Variants in ME3 observed in about 807,000 individuals in gnomAD.
ME3 encodes malic enzyme 3.
In ME3, 48 loss-of-function variants were observed where a neutral mutation model predicts 68.9. That is an observed-to-expected ratio of 0.70 (90% CI 0.55 to 0.89). The LOEUF is 0.89. ME3 is among the 40% of genes least tolerant of loss of function. The probability of loss-of-function intolerance (pLI) is 0.00; values close to 1 mark genes in which losing one functional copy is unlikely to be tolerated. For missense variants in ME3, 675 were observed against 797.4 expected, an observed-to-expected ratio of 0.85 and a Z score of 1.85; for synonymous variants, 320 against 318.8, an observed-to-expected ratio of 1.00 and a Z score of -0.04.
chr11:86,597,137 G>A (rs1005850764), intron 2 of ME3, among the ~76,000 whole-genome samples: 4 of 152,224 alleles, frequency 2.6e-5, no homozygotes, highest in East Asian at 3.8e-4. Context: ...CCAGACTTGC[G>A]AATGACATTT....
chr11:86,560,042 A>G lies in ME3; in HGVS notation c.184-219T>C, dbSNP rs117763085. Among the ~76,000 whole-genome samples, 208 of 152,314 alleles carry G rather than the reference A, an allele frequency of 1.4e-3. 1 individual carries two copies. The highest frequency in any genetic ancestry group is 1.9e-3 in the Non-Finnish European group (129 of 68,028). On this transcript the variant is annotated intron_variant, in intron 2 of 14. Transcript: ENST00000543262. ...CTTCCTCATTGGAAAAAATGGGGAA[A>G]CTATCTGTATCATCAGCATTTTTCT... is the stretch of plus-strand genomic sequence containing the variant.
At chr11:86,667,011 G>A (rs622933) in intron 2 of ME3, among the ~76,000 whole-genome samples, 40,367 of 152,010 alleles carry the variant, frequency 0.27, 5,453 homozygotes, top group East Asian at 0.36. Context: ...AATACAGAAG[G>A]GATTCAGCTG....
chr11:86,651,877 C>A (rs1222494726), intron 2 of ME3, among the ~76,000 whole-genome samples: 5 of 152,020 alleles, frequency 3.3e-5, no homozygotes, highest in Non-Finnish European at 7.4e-5. Context: ...TAACTGAATA[C>A]CTAATGCAGA....
intron 4 of ME3, among the ~76,000 whole-genome samples, chr11:86,509,141 C>T (rs954971031): frequency 2.0e-5 from 3 of 152,184 alleles, no homozygotes; most frequent in Non-Finnish European, 4.4e-5. Flanking sequence ...TTCCTCTAGA[C>T]CAGTACCCAA....
At chr11:86,567,457 G>A (rs1957550869) in intron 2 of ME3, among the ~76,000 whole-genome samples, 1 of 152,160 alleles carries the variant, frequency 6.6e-6, no homozygotes, top group South Asian at 2.1e-4. Context: ...AAAGCCTTTA[G>A]GCAGGCGACT....
At chr11:86,534,653 C>T (rs982048366) in intron 4 of ME3, among the ~76,000 whole-genome samples, 4 of 152,038 alleles carry the variant, frequency 2.6e-5, no homozygotes, top group Non-Finnish European at 5.9e-5. Context: ...CCAGCCTGGG[C>T]AACAGAGCAA....
Position 86,485,448 on chromosome 11 carries a change from C to A in ME3, c.809+1889G>T, listed in dbSNP as rs146051468. On this transcript the variant is annotated intron_variant, in intron 7 of 14. Transcript: ENST00000543262. The stretch of plus-strand genomic sequence containing the variant: ...ACCTCCCTTGTCCTAGATGCTATGC[C>A]TCTATTAATGCAGCTGACCCTTGAA... Among the ~76,000 whole-genome samples the A allele has an allele frequency of 3.0e-3, 456 of 152,290 alleles. 1 individual carries two copies. The highest frequency in any genetic ancestry group is 0.011 in the African/African-American group (443 of 41,546).
chr11:86,612,625 T>TC (rs1281960048), intron 2 of ME3, among the ~76,000 whole-genome samples: 2 of 152,220 alleles, frequency 1.3e-5, no homozygotes, highest in Non-Finnish European at 2.9e-5. Context: ...CGAGATGGTA[T>TC]CTCATTGTGG....
chr11:86,556,759 T>A, intron 3 of ME3, 57 bp from the exon 4 acceptor site: 4 of 1,570,650 alleles, frequency 2.5e-6, no homozygotes, highest in Non-Finnish European at 3.5e-6. Context: ...CCCTGATGCC[T>A]CTGTGGTGTG....
exon 12 of ME3, chr11:86,447,187 C>A: frequency 4.3e-6 from 7 of 1,614,118 alleles, no homozygotes; most frequent in Non-Finnish European, 5.9e-6. Flanking sequence ...TCCGTGAAGG[C>A]TCCTGCGATG....
At chr11:86,588,394 T>TG (rs1029037657) in intron 2 of ME3, among the ~76,000 whole-genome samples, 1 of 152,250 alleles carries the variant, frequency 6.6e-6, no homozygotes, top group African/African-American at 2.4e-5. Flanking sequence ...ACTAATTTTC[T>TG]GGGGCTCTCA....
chr11:86,483,437 G>A (rs1034418996), intron 7 of ME3, among the ~76,000 whole-genome samples: 7 of 152,114 alleles, frequency 4.6e-5, no homozygotes, highest in Non-Finnish European at 1.0e-4. Context: ...CTGAAAACTA[G>A]AAGTTTCTAC....
intron 2 of ME3, among the ~76,000 whole-genome samples, chr11:86,639,724 A>G (rs1944550454): frequency 6.6e-6 from 1 of 152,244 alleles, no homozygotes; most frequent in South Asian, 2.1e-4. Flanking sequence ...TAAATGGAGT[A>G]AAAATGAAGC....
chr11:86,592,120 A>C (rs1376781140), intron 2 of ME3, among the ~76,000 whole-genome samples: 1 of 152,210 alleles, frequency 6.6e-6, no homozygotes, highest in Non-Finnish European at 1.5e-5. Flanking sequence ...TCTTTGTTCT[A>C]ATTGTTCCAG....
intron 2 of ME3, among the ~76,000 whole-genome samples, chr11:86,600,292 G>C (rs1960382456): frequency 6.6e-6 from 1 of 151,984 alleles, no homozygotes; most frequent in African/African-American, 2.4e-5. Flanking sequence ...AAAAGGCAGG[G>C]GTTGCAATCC....
At chr11:86,627,723 A>C (rs936861588) in intron 2 of ME3, among the ~76,000 whole-genome samples, 6 of 152,192 alleles carry the variant, frequency 3.9e-5, no homozygotes, top group Non-Finnish European at 8.8e-5. Flanking sequence ...AATATCCTTA[A>C]GGCTCCTCTG....
intron 2 of ME3, among the ~76,000 whole-genome samples, chr11:86,626,294 A>T (rs1219302090): frequency 2.0e-5 from 3 of 152,198 alleles, no homozygotes; most frequent in African/African-American, 7.2e-5. Flanking sequence ...CTTTCTGTCT[A>T]CTTCCTGAGC....
At chr11:86,514,550 A>G (rs11234668) in intron 4 of ME3, among the ~76,000 whole-genome samples, 23,695 of 152,196 alleles carry the variant, frequency 0.16, 1,920 homozygotes, top group African/African-American at 0.21. Flanking sequence ...AACTCAAGTG[A>G]TGGTTCACAG....
chr11:86,490,208 G>C (rs1285407570), intron 6 of ME3, among the ~76,000 whole-genome samples: 1 of 152,178 alleles, frequency 6.6e-6, no homozygotes, highest in Non-Finnish European at 1.5e-5. Flanking sequence ...CCCAAGGCCT[G>C]GGTACACGTA....
Sources: gnomAD v4.1 joint callset for allele counts (sites outside exome capture counted in the v4.1 genomes callset) on GRCh38, gnomAD v4.1.1 for gene constraint, MANE v1.5 for transcripts, NCBI Gene and HGNC (gene_info 2026-07-23, HGNC 2026-07-21) for gene names.